FBXO8: variants seen among roughly 807,000 people sequenced by gnomAD.
FBXO8 encodes the protein F-box protein 8, also known as F-box only protein 8.
A neutral mutation model predicts 33.4 loss-of-function variants in FBXO8; 15 were observed. The observed-to-expected ratio is 0.45, with a 90% CI of 0.30 to 0.69. The LOEUF is 0.69. FBXO8 is among the 30% of genes least tolerant of loss of function. The pLI is 0.08. For synonymous variants in FBXO8, 132 were observed against 131.5 expected (o/e 1.00, Z -0.02); for missense variants, 274 against 380.3 (o/e 0.72, Z 2.32).
rs1392325091 is a variant in FBXO8 at position 174,256,486 on chromosome 4, C to T, written c.456+3213G>A. 6.6e-6 allele frequency among the ~76,000 whole-genome samples: 1 copy of T among 152,130 alleles called. No individual in the cohort carries two copies. Among genetic ancestry groups the T allele is most frequent in the Non-Finnish European group, 1.5e-5 (1 of 68,030 alleles). On this transcript the variant is annotated intron_variant, in intron 3 of 5. Coordinates refer to ENST00000393674, the MANE Select transcript of FBXO8 (RefSeq NM_012180.3). This position sits in a 1 kb window ranked among gnomAD's most constrained non-coding sequence, Gnocchi z 4.6. ...AAGTCTGGCTAAAGTATGACTCATA[C>T]AGATAAGTGCTATATAAGAACATTT...
chr4:174,237,430 A>T lies in FBXO8; in HGVS notation c.942T>A (p.Ile314=). Residue 314 remains isoleucine (I), a synonymous_variant, in exon 6 of 6, where the codon ATT becomes ATA. Coordinates refer to ENST00000393674, the MANE Select transcript of FBXO8 (RefSeq NM_012180.3). This position sits in a 1 kb window ranked among gnomAD's most constrained non-coding sequence, Gnocchi z 4.4. ...GTGCTTTTTATGCAGCCACATGGCC[A>T]ATAAGGTAGATATTGTCATAAAGAT... ...VGHLYDNIYL[I]GHVAA 6.2e-7 allele frequency: 1 copy of T among 1,612,878 alleles called. No homozygotes were observed. The highest frequency in any genetic ancestry group is 8.5e-7 in the Non-Finnish European group (1 of 1,179,148).
Position 174,241,077 on chromosome 4 carries a change from G to T in FBXO8, c.575+23C>A. On this transcript the variant is annotated intron_variant, in intron 4 of 5. Coordinates refer to ENST00000393674, the MANE Select transcript of FBXO8 (RefSeq NM_012180.3). This position sits in a 1 kb window ranked among gnomAD's most constrained non-coding sequence, Gnocchi z 4.2. ...AAACATTACTTAACTCATTTTGGAT[G>T]AAAAGTTAATTTTCGTTTTTACCTT... is the stretch of plus-strand genomic sequence containing the variant. The T allele has an allele frequency of 7.2e-7, 1 of 1,396,216 alleles. No individual in the cohort carries two copies. The highest frequency in any genetic ancestry group is 1.2e-5 in the South Asian group (1 of 84,162). 86.5% of individuals were successfully genotyped at this position (1,396,216 alleles called of 1,614,324 possible).
At chr4:174,279,503 T>A (rs1411566684) in intron 1 of FBXO8, among the ~76,000 whole-genome samples, 1 of 151,990 alleles carries the variant, frequency 6.6e-6, no homozygotes, top group Non-Finnish European at 1.5e-5. Flanking sequence ...TAGAAAAAAA[T>A]TCTAAAATCC....
Position 174,247,740 on chromosome 4 carries a change from TA to T in FBXO8, c.457-6523del, listed in dbSNP as rs1287199867. On this transcript the variant is annotated intron_variant, in intron 3 of 5. Transcript: ENST00000393674. The surrounding 1 kb of genome is among the most constrained non-coding windows in gnomAD (Gnocchi z 4.6). ...AATTAAGTGACACAATATACGTTATTAATAGTAAAAATAATTGACACATCTG... is the reference window on the plus strand; with the variant it reads ...AATTAAGTGACACAATATACGTTATTATAGTAAAAATAATTGACACATCTG... 6.6e-6 allele frequency among the ~76,000 whole-genome samples: 1 copy of T among 152,056 alleles called. No individual in the cohort carries two copies. Among genetic ancestry groups the T allele is most frequent in the African/African-American group, 2.4e-5 (1 of 41,432 alleles).
At position 174,237,315 on chromosome 4, in the gene FBXO8, GGCTACAATGACCA is replaced by G; in HGVS notation, c.*84_*96del. The G allele has an allele frequency of 1.0e-6, 1 of 961,098 alleles. No individual in the cohort carries two copies. Among genetic ancestry groups the G allele is most frequent in the Non-Finnish European group, 1.5e-6 (1 of 650,786 alleles). The allele number at this position is 961,098 out of a possible 1,614,324, so 59.5% of individuals were successfully genotyped here. A position where few individuals can be genotyped will look rare whatever the true frequency, so the allele number is the denominator to read the frequency against. On this transcript the variant is annotated 3_prime_UTR_variant, in exon 6 of 6. Transcript: ENST00000393674. This position sits in a 1 kb window ranked among gnomAD's most constrained non-coding sequence, Gnocchi z 4.4. ...ACACTGAAGCTTGATTGTATACTCAGGCTACAATGACCAGCACTGATGTAACCCCCATATCTGC... is the reference window on the plus strand; with the variant it reads ...ACACTGAAGCTTGATTGTATACTCAGGCACTGATGTAACCCCCATATCTGC...
Position 174,265,774 on chromosome 4 carries a change from T to C in FBXO8, c.-8-2674A>G, listed in dbSNP as rs1736683144. On this transcript the variant is annotated intron_variant, in intron 1 of 5. Coordinates refer to ENST00000393674, the MANE Select transcript of FBXO8 (RefSeq NM_012180.3). This position sits in a 1 kb window ranked among gnomAD's most constrained non-coding sequence, Gnocchi z 4.7. ...TACCATGTCACATTACAACATTAAG[T>C]ACAACTTAATTTTGACACAAATTGA... Among the ~76,000 whole-genome samples, 1 of 152,198 alleles carries C rather than the reference T, an allele frequency of 6.6e-6. No homozygotes were observed. Among genetic ancestry groups the C allele is most frequent in the Non-Finnish European group, 1.5e-5 (1 of 68,024 alleles).
rs1442781829 is a variant in FBXO8, at chr4:174,262,581, T to C, written c.329+183A>G. ...ATTATTCTATTTTCTATTGTCCTCCTTTTCACAAGATCAAATTTGACTGTG... is the reference window on the plus strand; with the variant it reads ...ATTATTCTATTTTCTATTGTCCTCCCTTTCACAAGATCAAATTTGACTGTG... On this transcript the variant is annotated intron_variant, in intron 2 of 5. Transcript: ENST00000393674. This position sits in a 1 kb window ranked among gnomAD's most constrained non-coding sequence, Gnocchi z 4.6. Among the ~76,000 whole-genome samples, 2 of 152,204 alleles carry C rather than the reference T, an allele frequency of 1.3e-5. No homozygotes were observed. Among genetic ancestry groups the C allele is most frequent in the Non-Finnish European group, 2.9e-5 (2 of 68,034 alleles).
rs1037070641 is a variant in FBXO8, at chr4:174,238,772, T to TATAC, written c.772+221_772+222insGTAT. On this transcript the variant is annotated intron_variant, in intron 5 of 5. Coordinates refer to ENST00000393674, the MANE Select transcript of FBXO8 (RefSeq NM_012180.3). ...ATACATAGCCATGTATATATATATATACACACACACACACACACACACGCA... is the reference window on the plus strand; with the variant it reads ...ATACATAGCCATGTATATATATATATATACACACACACACACACACACACACGCA... Among the ~76,000 whole-genome samples, 1,378 of 145,928 alleles carry TATAC rather than the reference T, an allele frequency of 9.4e-3. 8 individuals carry two copies. The highest frequency in any genetic ancestry group is 0.018 in the Middle Eastern group (5 of 274).
rs547538008 is a variant in FBXO8 at position 174,278,644 on chromosome 4, A to G, written c.-9+4766T>C. ...CTATTTACTTAAAGTGGCTGTAATC[A>G]GCTGTAGTCATGGTAGCATATCCTA... On this transcript the variant is annotated intron_variant, in intron 1 of 5. Coordinates refer to ENST00000393674, the MANE Select transcript of FBXO8 (RefSeq NM_012180.3). This position sits in a 1 kb window ranked among gnomAD's most constrained non-coding sequence, Gnocchi z 4.1. Among the ~76,000 whole-genome samples the G allele has an allele frequency of 6.6e-6, 1 of 152,212 alleles. No individual in the cohort carries two copies. The highest frequency in any genetic ancestry group is 2.4e-5 in the African/African-American group (1 of 41,558).
rs774830439 is a variant in FBXO8 at position 174,256,904 on chromosome 4, AG to A, written c.456+2794del. Among the ~76,000 whole-genome samples, 40 of 152,014 alleles carry A rather than the reference AG, an allele frequency of 2.6e-4. No individual in the cohort carries two copies. The highest frequency in any genetic ancestry group is 1.2e-4 in the Non-Finnish European group (8 of 67,988). ...GAATGTTCCAGAGTATCTTTAAATC[AG>A]GCCAGGGAGTAAAAAAAAAAGAAAA... On this transcript the variant is annotated intron_variant, in intron 3 of 5. Transcript: ENST00000393674. The surrounding 1 kb of genome is among the most constrained non-coding windows in gnomAD (Gnocchi z 4.6).
chr4:174,247,380 T>C lies in FBXO8; in HGVS notation c.457-6162A>G, dbSNP rs1322529851. Among the ~76,000 whole-genome samples the C allele has an allele frequency of 6.6e-6, 1 of 151,508 alleles. No homozygotes were observed. Among genetic ancestry groups the C allele is most frequent in the East Asian group, 1.9e-4 (1 of 5,192 alleles). Reference sequence around the variant, plus strand: ...ATTTAGCAAGTTTTGTTCAATTTCGTCCTTGTATAAAATGTAAAATCTAGT... The same window carrying C: ...ATTTAGCAAGTTTTGTTCAATTTCGCCCTTGTATAAAATGTAAAATCTAGT... On this transcript the variant is annotated intron_variant, in intron 3 of 5. Transcript: ENST00000393674. The surrounding 1 kb of genome is among the most constrained non-coding windows in gnomAD (Gnocchi z 4.6).
At position 174,283,498 on chromosome 4, in the gene FBXO8, A is replaced by C; in HGVS notation, c.-97T>G. 1 of 168,070 alleles carries C rather than the reference A, an allele frequency of 5.9e-6. No homozygotes were observed. The highest frequency in any genetic ancestry group is 1.3e-5 in the Non-Finnish European group (1 of 78,508). 10.4% of individuals were successfully genotyped at this position (168,070 alleles called of 1,614,324 possible). On this transcript the variant is annotated 5_prime_UTR_variant, in exon 1 of 6. Coordinates refer to ENST00000393674, the MANE Select transcript of FBXO8 (RefSeq NM_012180.3). This position sits in a 1 kb window ranked among gnomAD's most constrained non-coding sequence, Gnocchi z 6.7. ...CAAAAGGAAAATGGCTCAGCCGGGAACTGGTGCCCAGGCCATGGAGAAGCT... is the reference window on the plus strand; with the variant it reads ...CAAAAGGAAAATGGCTCAGCCGGGACCTGGTGCCCAGGCCATGGAGAAGCT...
At position 174,259,902 on chromosome 4, in the gene FBXO8, A is replaced by T; in HGVS notation, c.330-77T>A. On this transcript the variant is annotated intron_variant, in intron 2 of 5. Coordinates refer to ENST00000393674, the MANE Select transcript of FBXO8 (RefSeq NM_012180.3). The surrounding 1 kb of genome is among the most constrained non-coding windows in gnomAD (Gnocchi z 4.3). ...TAAGTTAAATATGCATATACATGCA[A>T]AAATAGTAACATGAAATAAGATTGA... 7.5e-7 allele frequency: 1 copy of T among 1,334,496 alleles called. No homozygotes were observed. Among genetic ancestry groups the T allele is most frequent in the Non-Finnish European group, 1.0e-6 (1 of 985,298 alleles). 82.7% of individuals were successfully genotyped at this position (1,334,496 alleles called of 1,614,324 possible). A position where few individuals can be genotyped will look rare whatever the true frequency, so the allele number is the denominator to read the frequency against.
rs1027457511 is a variant in FBXO8 at position 174,237,888 on chromosome 4, G to A, written c.773-289C>T. Among the ~76,000 whole-genome samples, 4 of 151,958 alleles carry A rather than the reference G, an allele frequency of 2.6e-5. No homozygotes were observed. Among genetic ancestry groups the A allele is most frequent in the African/African-American group, 9.7e-5 (4 of 41,412 alleles). ...AAAAGAACTTTAGAACAGTTTAGGAGTGTATAGTAAAAATTCATTCTAGAT... is the reference window on the plus strand; with the variant it reads ...AAAAGAACTTTAGAACAGTTTAGGAATGTATAGTAAAAATTCATTCTAGAT... On this transcript the variant is annotated intron_variant, in intron 5 of 5. Coordinates refer to ENST00000393674, the MANE Select transcript of FBXO8 (RefSeq NM_012180.3). This position sits in a 1 kb window ranked among gnomAD's most constrained non-coding sequence, Gnocchi z 4.4.
Position 174,247,604 on chromosome 4 carries a change from T to C in FBXO8, c.457-6386A>G, listed in dbSNP as rs370080613. Among the ~76,000 whole-genome samples, 24 of 152,224 alleles carry C rather than the reference T, an allele frequency of 1.6e-4. No homozygotes were observed. The East Asian group carries it at 4.0e-3, about 26-fold the overall frequency. On this transcript the variant is annotated intron_variant, in intron 3 of 5. Coordinates refer to ENST00000393674, the MANE Select transcript of FBXO8 (RefSeq NM_012180.3). The surrounding 1 kb of genome is among the most constrained non-coding windows in gnomAD (Gnocchi z 4.6). ...TAACCAATATATTATTTTTCAAGTA[T>C]ACATTTTAACCACAGTGAAACTAAC...
Position 174,255,094 on chromosome 4 carries a change from A to G in FBXO8, c.456+4605T>C, listed in dbSNP as rs1434990414. Among the ~76,000 whole-genome samples, 1 of 152,188 alleles carries G rather than the reference A, an allele frequency of 6.6e-6. No individual in the cohort carries two copies. Among genetic ancestry groups the G allele is most frequent in the Non-Finnish European group, 1.5e-5 (1 of 68,014 alleles). On this transcript the variant is annotated intron_variant, in intron 3 of 5. Transcript: ENST00000393674. This position sits in a 1 kb window ranked among gnomAD's most constrained non-coding sequence, Gnocchi z 4.3. ...TAGGCTGTAAATAAGCCAACTAATC[A>G]TAATCTATCATGTTCAAATTAGACT...
chr4:174,270,020 G>A lies in FBXO8; in HGVS notation c.-8-6920C>T, dbSNP rs2126444528. On this transcript the variant is annotated intron_variant, in intron 1 of 5. Coordinates refer to ENST00000393674, the MANE Select transcript of FBXO8 (RefSeq NM_012180.3). This position sits in a 1 kb window ranked among gnomAD's most constrained non-coding sequence, Gnocchi z 4.6. ...ATTCATGTTCAATTCTGTACTACCT[G>A]CAAATACACTCAGGGAGCATGGTAG... 6.6e-6 allele frequency among the ~76,000 whole-genome samples: 1 copy of A among 152,250 alleles called. No homozygotes were observed. The highest frequency in any genetic ancestry group is 6.5e-5 in the Admixed American group (1 of 15,290).
chr4:174,276,566 T>C (rs1044437636), intron 1 of FBXO8, among the ~76,000 whole-genome samples: 1 of 152,140 alleles, frequency 6.6e-6, no homozygotes, highest in African/African-American at 2.4e-5. Context: ...AAAATTTAAA[T>C]ATATTTAGAT....
At chr4:174,240,136 CAAA>C (rs543054382) in intron 4 of FBXO8, among the ~76,000 whole-genome samples, 1,471 of 49,420 alleles carry the variant, frequency 0.03, 23 homozygotes, top group African/African-American at 0.092. Flanking sequence ...AAAATATTTA[CAAA>C]AAAAAAAAAA....
Sources: allele counts gnomAD v4.1 joint callset (sites outside exome capture counted in the v4.1 genomes callset), GRCh38; gene constraint gnomAD v4.1.1; non-coding constraint Gnocchi (gnomAD v3.1); transcripts MANE v1.5; gene names NCBI Gene and HGNC (gene_info 2026-07-23, HGNC 2026-07-21).